The following IL31RA variants were observed in gnomAD, a reference collection of about 807,000 sequenced individuals.
IL31RA encodes interleukin-31 receptor subunit alpha.
IL31RA carries 66 observed loss-of-function variants against 83.7 expected under a neutral mutation model. That is an observed-to-expected ratio of 0.79 (90% CI 0.65 to 0.97). The LOEUF is 0.97. Among genes scored for constraint, IL31RA ranks in the 50% least tolerant of loss-of-function variants. The pLI is 0.00. For missense variants in IL31RA, 798 were observed against 919.4 expected, an observed-to-expected ratio of 0.87 and a Z score of 1.71; for synonymous variants, 325 against 329.0, an observed-to-expected ratio of 0.99 and a Z score of 0.13.
At chr5:55,895,259 T>C (rs924169274) in intron 6 of IL31RA, among the ~76,000 whole-genome samples, 1 of 152,186 alleles carries the variant, frequency 6.6e-6, no homozygotes, top group Non-Finnish European at 1.5e-5. Context: ...GTCTCGACAT[T>C]TGTTTAGAAC....
intron 1 of IL31RA, among the ~76,000 whole-genome samples, chr5:55,858,725 A>G (rs1451286088): frequency 6.6e-6 from 1 of 152,068 alleles, no homozygotes; most frequent in Non-Finnish European, 1.5e-5. Context: ...TTCTTAGACT[A>G]TCCCACCATT....
the IL31RA span, among the ~76,000 whole-genome samples, chr5:55,841,216 T>C: frequency 6.6e-6 from 1 of 152,218 alleles, no homozygotes; most frequent in African/African-American, 2.4e-5. Context: ...AAATAAAACT[T>C]GTTTGCTTTT....
At chr5:55,868,993 A>G (rs930479670) in intron 3 of IL31RA, 85 bp downstream of exon 3, 3 of 834,396 alleles carry the variant, frequency 3.6e-6, no homozygotes, top group Admixed American at 3.4e-5. Flanking sequence ...ATCCCATATG[A>G]AGCAAAAAGT....
chr5:55,847,366 C>T (rs895599911), upstream of IL31RA, among the ~76,000 whole-genome samples: 4 of 151,826 alleles, frequency 2.6e-5, no homozygotes, highest in African/African-American at 4.8e-5. Context: ...AAGCCAAGGC[C>T]GATGGATTAC....
rs1476766266 is a variant in IL31RA, at chr5:55,903,979, G to A, written c.1070-2127G>A. On this transcript the variant is annotated intron_variant, in intron 8 of 14. Coordinates refer to ENST00000652347, the MANE Select transcript of IL31RA (RefSeq NM_139017.7). The surrounding 1 kb of genome is among the most constrained non-coding windows in gnomAD (Gnocchi z 4.7). ...CCCTTCCAGCTTGTAGTGGCCCCAG[G>A]TATTCCTTGGCTTGTGGTAGCTCCA... Among the ~76,000 whole-genome samples the A allele has an allele frequency of 6.6e-6, 1 of 152,136 alleles. No homozygotes were observed. The highest frequency in any genetic ancestry group is 1.5e-5 in the Non-Finnish European group (1 of 68,020).
chr5:55,899,079 G>A (rs2112521257), intron 7 of IL31RA, among the ~76,000 whole-genome samples: 1 of 152,146 alleles, frequency 6.6e-6, no homozygotes, highest in South Asian at 2.1e-4. Flanking sequence ...AGAGATAAAA[G>A]GCTCCTGGTC....
intron 5 of IL31RA, among the ~76,000 whole-genome samples, chr5:55,886,268 C>CTTTTTTTTTTTTT (rs35481013): frequency 5.6e-5 from 4 of 71,510 alleles, no homozygotes; most frequent in African/African-American, 1.5e-4. Context: ...TGCTTGCTTG[C>CTTTTTTTTTTTTT]TTTTTTTTTT....
intron 1 of IL31RA, among the ~76,000 whole-genome samples, chr5:55,858,512 T>C (rs1327894503): frequency 6.6e-6 from 1 of 152,234 alleles, no homozygotes; most frequent in African/African-American, 2.4e-5. Context: ...GCAGTTCCAA[T>C]TCGCTAAGGA....
intron 8 of IL31RA, among the ~76,000 whole-genome samples, 190 bp downstream of exon 8, chr5:55,900,322 G>A (rs1224356486): frequency 3.3e-5 from 5 of 152,132 alleles, no homozygotes; most frequent in Admixed American, 3.3e-4. Flanking sequence ...TGTTCCTTTG[G>A]AACAAAGCCT....
intron 4 of IL31RA, among the ~76,000 whole-genome samples, chr5:55,876,362 T>C (rs773051128): frequency 1.3e-5 from 2 of 152,166 alleles, no homozygotes; most frequent in Admixed American, 6.5e-5. Context: ...GCCGAGATCA[T>C]GCCACTACAC....
chr5:55,888,417 T>A (rs1266634752), intron 5 of IL31RA, among the ~76,000 whole-genome samples: 3 of 152,138 alleles, frequency 2.0e-5, no homozygotes, highest in Non-Finnish European at 4.4e-5. Context: ...CGTGGCTACA[T>A]TAGGCAGAAC....
chr5:55,916,940 G>A lies in IL31RA; in HGVS notation c.2115G>A (p.Ser705=), dbSNP rs753281572. The A allele has an allele frequency of 8.7e-6, 14 of 1,613,570 alleles. No homozygotes were observed. Among genetic ancestry groups the A allele is most frequent in the African/African-American group, 6.7e-5 (5 of 74,834 alleles). The change falls in exon 15 of 15, where the codon TCG becomes TCA. Residue 705 remains serine (S), a synonymous_variant. Coordinates refer to ENST00000652347, the MANE Select transcript of IL31RA (RefSeq NM_139017.7). ...CCAGAAAATCCCAATACCTACGTTC[G>A]AGGATGCCAGAGGGGACCCGCCCAG... ...IPPRKSQYLR[S]RMPEGTRPEA... is the part of the protein sequence containing the mutation.
At chr5:55,862,724 T>A (rs1352860535) in intron 2 of IL31RA, among the ~76,000 whole-genome samples, 2 of 152,312 alleles carry the variant, frequency 1.3e-5, no homozygotes, top group Middle Eastern at 3.4e-3. Context: ...CTTCTTCCTA[T>A]TCCAGGATCC....
intron 4 of IL31RA, among the ~76,000 whole-genome samples, chr5:55,876,830 A>C (rs1427097629): frequency 6.6e-6 from 1 of 152,104 alleles, no homozygotes; most frequent in East Asian, 1.9e-4. Flanking sequence ...TCTGGCCTCA[A>C]ATGAACCCTC....
chr5:55,890,144 C>T lies in IL31RA; in HGVS notation c.772+9C>T. ...AATGACTGAGGAAGAAGGCAAGCTA[C>T]TCCCTGCGATTCCCGTCCTGTCTGC... On this transcript the variant is annotated intron_variant, in intron 6 of 14. Coordinates refer to ENST00000652347, the MANE Select transcript of IL31RA (RefSeq NM_139017.7). The T allele has an allele frequency of 6.2e-7, 1 of 1,613,348 alleles. No homozygotes were observed. Among genetic ancestry groups the T allele is most frequent in the South Asian group, 1.1e-5 (1 of 91,064 alleles).
At position 55,868,824 on chromosome 5, in the gene IL31RA, T is replaced by C. The variant is rs781671597; in HGVS notation, c.188T>C (p.Val63Ala). ...GCTAAGCCTGAGAACATTTCCTGTG[T>C]CTACTACTATAGGAAAAATTTAACC... is the stretch of plus-strand genomic sequence containing the variant. The part of the protein sequence containing the change: ...LPAKPENISC[V>A]YYYRKNLTCT... Residue 63 changes from valine (V) to alanine (A), a missense_variant, in exon 3 of 15, where the codon GTC becomes GCC. Physicochemically the swap from Val to Ala is moderately conservative, Grantham distance 64 (BLOSUM62 0). Coordinates refer to ENST00000652347, the MANE Select transcript of IL31RA (RefSeq NM_139017.7). 1 of 1,609,116 alleles carries C rather than the reference T, an allele frequency of 6.2e-7. No homozygotes were observed. The highest frequency in any genetic ancestry group is 8.5e-7 in the Non-Finnish European group (1 of 1,175,488).
At chr5:55,855,802 A>T (rs1745324424) in intron 1 of IL31RA, among the ~76,000 whole-genome samples, 1 of 152,182 alleles carries the variant, frequency 6.6e-6, no homozygotes, top group Non-Finnish European at 1.5e-5. Flanking sequence ...CACTGCTGGT[A>T]GTCAGTAATA....
intron 6 of IL31RA, among the ~76,000 whole-genome samples, chr5:55,892,235 T>C (rs1473592041): frequency 6.6e-6 from 1 of 152,170 alleles, no homozygotes; most frequent in Non-Finnish European, 1.5e-5. Flanking sequence ...ACCTTATTTA[T>C]TTATAAGGGA....
At chr5:55,866,564 C>G (rs907196622) in intron 2 of IL31RA, 1 of 152,456 alleles carries the variant, frequency 6.6e-6, no homozygotes, top group African/African-American at 2.4e-5. Flanking sequence ...GGAGCTCAGG[C>G]GGTAATGCTC....
Sources: allele counts gnomAD v4.1 joint callset (sites outside exome capture counted in the v4.1 genomes callset), GRCh38; gene constraint gnomAD v4.1.1; non-coding constraint Gnocchi (gnomAD v3.1); transcripts MANE v1.5; gene names NCBI Gene and HGNC (gene_info 2026-07-23, HGNC 2026-07-21).